The following BRWD1 variants were observed in gnomAD, a reference collection of about 807,000 sequenced individuals.
The protein encoded by BRWD1 is bromodomain and WD repeat-containing protein 1.
In BRWD1, 82 loss-of-function variants were observed where a neutral mutation model predicts 251.2. The ratio of observed to expected loss-of-function variants is 0.33; its 90% confidence interval spans 0.27 to 0.39. BRWD1 has a LOEUF of 0.39. Among genes scored for constraint, BRWD1 ranks in the 10% least tolerant of loss-of-function variants. The probability of loss-of-function intolerance (pLI) is 1.00; values close to 1 mark genes in which losing one functional copy is unlikely to be tolerated. For missense variants in BRWD1, 2,233 were observed against 2,711.6 expected (o/e 0.82, Z 3.92); for synonymous variants, 918 against 902.8 (o/e 1.02, Z -0.30).
Position 39,264,696 on chromosome 21 carries a change from G to T in BRWD1, c.1660-11C>A. ...CATCTGATCAGGAATCTAGAAAAAT[G>T]AAGTTCACAGGATGACATTTTAAGG... On this transcript the variant is annotated splice_polypyrimidine_tract_variant and intron_variant, in intron 16 of 40. Coordinates refer to ENST00000342449, the MANE Select transcript of BRWD1 (RefSeq NM_033656.4). The T allele has an allele frequency of 6.3e-7, 1 of 1,576,898 alleles. No individual in the cohort carries two copies. The highest frequency in any genetic ancestry group is 1.8e-5 in the Admixed American group (1 of 56,370).
chr21:39,260,685 A>C (rs886314450), intron 17 of BRWD1, among the ~76,000 whole-genome samples: 3 of 152,210 alleles, frequency 2.0e-5, no homozygotes, highest in African/African-American at 7.2e-5. Flanking sequence ...CCCTGAGAGA[A>C]GGGGAACAAT....
intron 4 of BRWD1, among the ~76,000 whole-genome samples, chr21:39,306,326 C>T (rs1396392637): frequency 6.6e-6 from 1 of 152,120 alleles, no homozygotes; most frequent in African/African-American, 2.4e-5. Flanking sequence ...GCCTCAGCCT[C>T]CCCAAGTGCT....
At chr21:39,270,183 TGA>T (rs577655330) in intron 14 of BRWD1, 98 bp downstream of exon 14, 816 of 1,254,336 alleles carry the variant, frequency 6.5e-4, no homozygotes, top group Middle Eastern at 1.7e-3. Context: ...ATAGTTTACA[TGA>T]GAGAAACAAC....
In BRWD1 at chr21:39,258,605, T is replaced by C. The variant is rs75131766; in HGVS notation, c.1953A>G (p.Glu651=). 378 of 1,613,274 alleles carry C rather than the reference T, an allele frequency of 2.3e-4. 1 individual carries two copies. In the African/African-American group the frequency reaches 4.3e-3, roughly 18 times the overall value. ...TTATCATTCCATCAAGAATACTCGA[T>C]TCTGGGCTGCGTTCATCATTATCAT... ...QTNDNDERSP[E]SSILDGMIRQ... The change falls in exon 18 of 41, where the codon GAA becomes GAG. Residue 651 remains glutamate (E), a synonymous_variant. Coordinates refer to ENST00000342449, the MANE Select transcript of BRWD1 (RefSeq NM_033656.4).
At chr21:39,232,543 A>T (rs370940026) in intron 23 of BRWD1, 45 bp from the exon 24 acceptor site, 1 of 1,561,888 alleles carries the variant, frequency 6.4e-7, no homozygotes, top group African/African-American at 1.4e-5. Flanking sequence ...AGAAAGGGGC[A>T]GCATGCACTG....
intron 25 of BRWD1, among the ~76,000 whole-genome samples, chr21:39,230,885 C>G (rs1158838975): frequency 6.6e-6 from 1 of 151,474 alleles, no homozygotes; most frequent in African/African-American, 2.4e-5. Context: ...AAATTTTTCA[C>G]CACCCTGAGC....
chr21:39,311,043 A>G (rs1601517371), intron 4 of BRWD1, among the ~76,000 whole-genome samples: 1 of 152,170 alleles, frequency 6.6e-6, no homozygotes, highest in Admixed American at 6.5e-5. Context: ...TCAGGGAGGC[A>G]ATGATAGATG....
rs1441277121 is a variant in BRWD1, at chr21:39,186,145, T to C, written c.*10114A>G. 2.0e-5 allele frequency: 3 copies of C among 152,216 alleles called. No homozygotes were observed. Among genetic ancestry groups the C allele is most frequent in the South Asian group, 2.1e-4 (1 of 4,828 alleles). The allele number at this position is 152,216 out of a possible 1,614,324, so 9.4% of individuals were successfully genotyped here. On this transcript the variant is annotated 3_prime_UTR_variant, in exon 41 of 41. Coordinates refer to ENST00000342449, the MANE Select transcript of BRWD1 (RefSeq NM_033656.4). ...AAAGATTTCACTGTATCTAAAAATA[T>C]GACTGTTTTGATCTTAAGCTATACA...
intron 23 of BRWD1, among the ~76,000 whole-genome samples, chr21:39,234,507 C>G (rs1230491632): frequency 2.0e-5 from 3 of 152,164 alleles, no homozygotes; most frequent in African/African-American, 7.2e-5. Flanking sequence ...ACTTAAGGTA[C>G]TCTCAAAAAG....
intron 4 of BRWD1, among the ~76,000 whole-genome samples, chr21:39,309,741 C>T (rs1030792039): frequency 3.4e-5 from 5 of 147,548 alleles, no homozygotes; most frequent in African/African-American, 5.0e-5. Flanking sequence ...TGGAGAATGG[C>T]GTGAATCCGG....
At chr21:39,234,193 G>A (rs2033727354) in intron 23 of BRWD1, among the ~76,000 whole-genome samples, 1 of 152,034 alleles carries the variant, frequency 6.6e-6, no homozygotes, top group Non-Finnish European at 1.5e-5. Context: ...CCAGATCCTG[G>A]GGAAGCAACA....
At chr21:39,216,088 T>A (rs2032880044) in intron 31 of BRWD1, among the ~76,000 whole-genome samples, 1 of 152,204 alleles carries the variant, frequency 6.6e-6, no homozygotes, top group Non-Finnish European at 1.5e-5. Flanking sequence ...CATTCCAGTG[T>A]TAAATTACAG....
chr21:39,229,276 A>C (rs2033511068), intron 26 of BRWD1, 36 bp downstream of exon 26: 10 of 1,528,422 alleles, frequency 6.5e-6, no homozygotes, highest in Non-Finnish European at 9.0e-6. Flanking sequence ...GGCAAATTTA[A>C]ATTTAAGTAA....
At chr21:39,242,389 G>A (rs956686709) in intron 21 of BRWD1, among the ~76,000 whole-genome samples, 2 of 152,166 alleles carry the variant, frequency 1.3e-5, no homozygotes, top group Non-Finnish European at 2.9e-5. Flanking sequence ...AAGGCTGAGA[G>A]GTGACAAAGC....
At chr21:39,236,895 T>C (rs996850678) in intron 22 of BRWD1, 111 bp from the exon 23 acceptor site, 4 of 843,692 alleles carry the variant, frequency 4.7e-6, no homozygotes, top group Non-Finnish European at 5.5e-6. Flanking sequence ...GAAGGGAAGA[T>C]ACCAGAAAGA....
chr21:39,313,350 A>ATGGGGCC, intron 1 of BRWD1, 51 bp from the exon 2 acceptor site: 1 of 1,466,402 alleles, frequency 6.8e-7, no homozygotes, highest in Non-Finnish European at 9.1e-7. Context: ...GGGGAGGGGG[A>ATGGGGCC]CGGGGCCAGG....
Position 39,193,068 on chromosome 21 carries a change from T to C in BRWD1, c.*3191A>G. ...TCTTTACTTTTGGACAGTAACACCC[T>C]CAGATGGTATTTTTATTGGTTTGTT... is the stretch of plus-strand genomic sequence containing the variant. On this transcript the variant is annotated 3_prime_UTR_variant, in exon 41 of 41. Coordinates refer to ENST00000342449, the MANE Select transcript of BRWD1 (RefSeq NM_033656.4). 1.0e-6 allele frequency: 1 copy of C among 985,182 alleles called. No homozygotes were observed. Among genetic ancestry groups the C allele is most frequent in the Non-Finnish European group, 1.2e-6 (1 of 829,736 alleles). The allele number at this position is 985,182 out of a possible 1,614,324, so 61.0% of individuals were successfully genotyped here.
intron 9 of BRWD1, 30 bp from the exon 10 acceptor site, chr21:39,278,843 T>G: frequency 6.6e-7 from 1 of 1,505,352 alleles, no homozygotes; most frequent in Non-Finnish European, 9.0e-7. Context: ...TGCTTTAAAA[T>G]AGATTATTTT....
At chr21:39,256,544 T>C (rs1049079371) in intron 18 of BRWD1, among the ~76,000 whole-genome samples, 4 of 152,142 alleles carry the variant, frequency 2.6e-5, no homozygotes, top group African/African-American at 9.7e-5. Context: ...GCTCTGAGCC[T>C]GAGGGGCTGC....
Sources: gnomAD v4.1 joint callset for allele counts (sites outside exome capture counted in the v4.1 genomes callset) on GRCh38, gnomAD v4.1.1 for gene constraint, MANE v1.5 for transcripts, NCBI Gene and HGNC (gene_info 2026-07-23, HGNC 2026-07-21) for gene names.